Variants in ANKFN1 observed in about 807,000 individuals in gnomAD.
ANKFN1 encodes ankyrin repeat and fibronectin type III domain containing 1.
A neutral mutation model predicts 108.7 loss-of-function variants in ANKFN1; 74 were observed. The ratio of observed to expected loss-of-function variants is 0.68; its 90% CI spans 0.56 to 0.83. ANKFN1 has a LOEUF of 0.83. Ranked by LOEUF, ANKFN1 falls within the 40% of genes least tolerant of loss-of-function variation. The pLI is 0.00. For synonymous variants in ANKFN1, 547 were observed against 516.2 expected (o/e 1.06, Z -0.81); for missense variants, 1,505 against 1,382.3 (o/e 1.09, Z -1.41).
chr17:56,211,006 T>C (rs1914954597), intron 1 of ANKFN1, among the ~76,000 whole-genome samples: 1 of 152,202 alleles, frequency 6.6e-6, no homozygotes, highest in African/African-American at 2.4e-5. Context: ...ATATTAGTAC[T>C]TTGTCAGATG....
At chr17:56,303,851 A>ATTTTTTTTTTTTTTTTTTTTTT (rs34077118) in intron 3 of ANKFN1, among the ~76,000 whole-genome samples, 1 of 131,944 alleles carries the variant, frequency 7.6e-6, no homozygotes. Context: ...CGCTGAGCCA[A>ATTTTTTTTTTTTTTTTTTTTTT]TTTTTTTTTT....
intron 4 of ANKFN1, among the ~76,000 whole-genome samples, chr17:56,333,811 T>C (rs2045730598): frequency 6.6e-6 from 1 of 152,080 alleles, no homozygotes; most frequent in Non-Finnish European, 1.5e-5. Flanking sequence ...AGTATTAGCA[T>C]ACGGAAAAAG....
At chr17:56,182,843 G>A (rs984039041) in intron 1 of ANKFN1, among the ~76,000 whole-genome samples, 3 of 152,164 alleles carry the variant, frequency 2.0e-5, no homozygotes, top group Admixed American at 6.6e-5. Flanking sequence ...AATGCAGCTG[G>A]TGGTCAATGT....
At chr17:56,213,042 AG>A (rs986590455) in intron 2 of ANKFN1, among the ~76,000 whole-genome samples, 176 of 152,312 alleles carry the variant, frequency 1.2e-3, no homozygotes, top group African/African-American at 3.8e-3. Flanking sequence ...CTAACTTATT[AG>A]GATTGAGATG....
At chr17:56,119,622 T>C (rs1906488471) in intron 4 of ANKFN1, among the ~76,000 whole-genome samples, 1 of 152,194 alleles carries the variant, frequency 6.6e-6, no homozygotes, top group South Asian at 2.1e-4. Flanking sequence ...AGAGTACTTA[T>C]GGCTATTGGT....
At chr17:56,482,240 A>T in intron 17 of ANKFN1, 116 bp from the exon 18 acceptor site, 1 of 954,024 alleles carries the variant, frequency 1.0e-6, no homozygotes, top group Admixed American at 2.7e-5. Flanking sequence ...GTTGTATAAA[A>T]ATTCCAAGCT....
At chr17:56,059,679 A>G (rs1203474274) in intron 4 of ANKFN1, among the ~76,000 whole-genome samples, 1 of 152,132 alleles carries the variant, frequency 6.6e-6, no homozygotes, top group Admixed American at 6.5e-5. Flanking sequence ...AGCACCATTT[A>G]TTGAATAGGA....
chr17:56,434,392 AAAAG>A (rs1394280944), intron 8 of ANKFN1, among the ~76,000 whole-genome samples: 58 of 151,832 alleles, frequency 3.8e-4, no homozygotes, highest in Admixed American at 2.2e-3. Context: ...AAAAAAAAAA[AAAAG>A]AAGAAGAAGA....
chr17:56,416,379 T>G (rs1320971956), intron 8 of ANKFN1, among the ~76,000 whole-genome samples: 2 of 152,100 alleles, frequency 1.3e-5, no homozygotes, highest in African/African-American at 2.4e-5. Context: ...TAATCTGATT[T>G]TAAAATGGGC....
At chr17:56,270,050 A>G (rs1016747837) in intron 3 of ANKFN1, among the ~76,000 whole-genome samples, 2 of 152,114 alleles carry the variant, frequency 1.3e-5, no homozygotes, top group African/African-American at 4.8e-5. Context: ...TTAATAAGCC[A>G]TTGGGAGTTG....
intron 1 of ANKFN1, among the ~76,000 whole-genome samples, chr17:56,187,337 G>T (rs546614770): frequency 6.6e-6 from 1 of 152,294 alleles, no homozygotes; most frequent in African/African-American, 2.4e-5. Flanking sequence ...ATGAAAAAAT[G>T]CTCATCATCA....
chr17:56,099,119 C>CA (rs1296994449), intron 4 of ANKFN1, among the ~76,000 whole-genome samples: 3 of 152,096 alleles, frequency 2.0e-5, no homozygotes, highest in African/African-American at 7.2e-5. Context: ...TTCTGTGCAC[C>CA]AATTTTCTAC....
At chr17:56,389,278 T>A (rs369182396) in intron 8 of ANKFN1, among the ~76,000 whole-genome samples, 22 of 152,320 alleles carry the variant, frequency 1.4e-4, no homozygotes, top group African/African-American at 5.1e-4. Flanking sequence ...CTTCTGAGAA[T>A]TCTACTAAGT....
At position 56,147,315 on chromosome 17, in the gene ANKFN1, A is replaced by G. The variant is rs182665992; in HGVS notation, c.289-80602A>G. On this transcript the variant is annotated intron_variant, in intron 4 of 12. Transcript: ENST00000635860. The stretch of plus-strand genomic sequence containing the variant: ...CTTCCACATTTTTGGGTATCCTTAT[A>G]GCAGCACCTCACTCTACTGGTACCA... 2.0e-5 allele frequency among the ~76,000 whole-genome samples: 3 copies of G among 152,306 alleles called. No homozygotes were observed. The East Asian group carries it at 5.8e-4, about 29-fold the overall frequency.
chr17:56,448,038 G>C (rs142451172), intron 10 of ANKFN1, among the ~76,000 whole-genome samples: 1 of 152,212 alleles, frequency 6.6e-6, no homozygotes, highest in African/African-American at 2.4e-5. Flanking sequence ...AAGAGACCCC[G>C]TATTTTAAAA....
chr17:56,286,895 A>C (rs1056186539), intron 3 of ANKFN1, among the ~76,000 whole-genome samples: 1 of 152,190 alleles, frequency 6.6e-6, no homozygotes, highest in African/African-American at 2.4e-5. Flanking sequence ...GGGAAATATA[A>C]TCAGCCACCC....
intron 3 of ANKFN1, among the ~76,000 whole-genome samples, chr17:56,295,249 C>T (rs2044474936): frequency 6.6e-6 from 1 of 152,192 alleles, no homozygotes; most frequent in Admixed American, 6.5e-5. Flanking sequence ...GTTGTATCAC[C>T]ACTCATTTCA....
At chr17:56,253,533 T>G (rs1422901904) in intron 3 of ANKFN1, among the ~76,000 whole-genome samples, 1 of 151,936 alleles carries the variant, frequency 6.6e-6, no homozygotes, top group Non-Finnish European at 1.5e-5. Flanking sequence ...AGGTCAGGAG[T>G]TTGAGACCAA....
intron 3 of ANKFN1, among the ~76,000 whole-genome samples, chr17:56,306,438 C>A (rs929101426): frequency 6.6e-6 from 1 of 152,118 alleles, no homozygotes; most frequent in African/African-American, 2.4e-5. Flanking sequence ...CAATAACAGA[C>A]AAACAGAGAG....
Sources: gnomAD v4.1 joint callset for allele counts (sites outside exome capture counted in the v4.1 genomes callset) on GRCh38, gnomAD v4.1.1 for gene constraint, MANE v1.5 for transcripts, NCBI Gene and HGNC (gene_info 2026-07-23, HGNC 2026-07-21) for gene names.